The following PLXNC1 variants were observed in gnomAD, a reference collection of about 807,000 sequenced individuals.
PLXNC1 encodes the protein plexin-C1.
In PLXNC1, 75 loss-of-function variants were observed where a neutral mutation model predicts 178.2. That is an observed-to-expected ratio of 0.42 (90% confidence interval 0.35 to 0.51). The LOEUF is 0.51. Among genes scored for constraint, PLXNC1 ranks in the 20% least tolerant of loss-of-function variants. The pLI, the probability that PLXNC1 is intolerant of heterozygous loss-of-function variation, is 0.02. For synonymous variants in PLXNC1, 790 were observed against 779.9 expected (o/e 1.01, Z -0.22); for missense variants, 1,503 against 1,984.4 (o/e 0.76, Z 4.61).
intron 11 of PLXNC1, among the ~76,000 whole-genome samples, chr12:94,242,339 C>T (rs1338371743): frequency 7.6e-6 from 1 of 131,026 alleles, no homozygotes; most frequent in Non-Finnish European, 1.6e-5. Flanking sequence ...GTGACAGTCT[C>T]ACTCTGTCAC....
intron 4 of PLXNC1, among the ~76,000 whole-genome samples, chr12:94,207,538 T>C (rs1963336624): frequency 6.6e-6 from 1 of 152,216 alleles, no homozygotes; most frequent in East Asian, 1.9e-4. Context: ...AAAATATTTA[T>C]TGAAACCCTA....
chr12:94,196,019 C>G (rs1325431786), intron 4 of PLXNC1, among the ~76,000 whole-genome samples: 1 of 152,114 alleles, frequency 6.6e-6, no homozygotes, highest in African/African-American at 2.4e-5. Context: ...TTCCTCAAGC[C>G]CCCCAGGCCT....
chr12:94,280,655 G>T (rs1008398695), intron 22 of PLXNC1, among the ~76,000 whole-genome samples: 2 of 152,158 alleles, frequency 1.3e-5, no homozygotes, highest in East Asian at 3.8e-4. Context: ...TTAGATACAG[G>T]ATCAAAGGGG....
At chr12:94,166,978 T>C (rs1961638146) in intron 1 of PLXNC1, among the ~76,000 whole-genome samples, 1 of 152,144 alleles carries the variant, frequency 6.6e-6, no homozygotes. Context: ...TTGCCCAGGC[T>C]GGTCTCCAAC....
chr12:94,222,762 T>C (rs1332364001), intron 6 of PLXNC1, among the ~76,000 whole-genome samples: 5 of 152,158 alleles, frequency 3.3e-5, no homozygotes, highest in South Asian at 4.2e-4. Flanking sequence ...CGGACACTTA[T>C]AGATTCCACT....
chr12:94,306,253 T>TCA lies in PLXNC1; in HGVS notation c.*968_*969insCA, dbSNP rs1283857909. The TCA allele has an allele frequency of 5.3e-5, 8 of 152,160 alleles. No individual in the cohort carries two copies. The highest frequency in any genetic ancestry group is 9.7e-5 in the African/African-American group (4 of 41,444). 9.4% of individuals were successfully genotyped at this position (152,160 alleles called of 1,614,324 possible). On this transcript the variant is annotated 3_prime_UTR_variant, in exon 31 of 31. Coordinates refer to ENST00000258526, the MANE Select transcript of PLXNC1 (RefSeq NM_005761.3). ...AAAAAAAAAAGATACATTTTACATTTTATCGAATTGCTGTTCACACTGGAG... is the reference window on the plus strand; with the variant it reads ...AAAAAAAAAAGATACATTTTACATTTCATATCGAATTGCTGTTCACACTGGAG...
intron 30 of PLXNC1, 195 bp downstream of exon 30, chr12:94,304,246 C>G (rs1380502781): frequency 6.2e-6 from 3 of 480,306 alleles, no homozygotes; most frequent in African/African-American, 5.9e-5. Context: ...TTTTATCATG[C>G]TGCCCACATT....
chr12:94,251,667 G>A (rs1057130577), intron 15 of PLXNC1, 139 bp downstream of exon 15: 32 of 669,478 alleles, frequency 4.8e-5, no homozygotes, highest in Non-Finnish European at 8.4e-5. Context: ...TTTGAGAAAC[G>A]AATAATAGGT....
chr12:94,266,806 C>T (rs1173923601), intron 21 of PLXNC1, among the ~76,000 whole-genome samples: 1 of 152,188 alleles, frequency 6.6e-6, no homozygotes, highest in African/African-American at 2.4e-5. Flanking sequence ...TAGAACATTG[C>T]CAGGCATGTG....
chr12:94,193,894 G>A (rs1167289993), intron 4 of PLXNC1, among the ~76,000 whole-genome samples: 2 of 152,180 alleles, frequency 1.3e-5, no homozygotes, highest in Non-Finnish European at 2.9e-5. Flanking sequence ...ACATGGGCAG[G>A]ACAGCCTATG....
intron 5 of PLXNC1, among the ~76,000 whole-genome samples, chr12:94,219,803 TTTTATTTA>T (rs61371301): frequency 0.042 from 4,897 of 116,370 alleles, 227 homozygotes; most frequent in African/African-American, 0.11. Flanking sequence ...TCTTTTATAT[TTTTATTTA>T]TTTATTTATT....
chr12:94,305,414 A>G lies in PLXNC1; in HGVS notation c.*129A>G. On this transcript the variant is annotated 3_prime_UTR_variant, in exon 31 of 31. Coordinates refer to ENST00000258526, the MANE Select transcript of PLXNC1 (RefSeq NM_005761.3). The stretch of plus-strand genomic sequence containing the variant: ...GTTCCACTTTGGGCACTGTCTTTTT[A>G]AGAGACCAAGGCACATGCACAGCTT... The G allele has an allele frequency of 4.8e-6, 3 of 621,776 alleles. No homozygotes were observed. The South Asian group carries it at 6.0e-5, about 12-fold the overall frequency. The allele number at this position is 621,776 out of a possible 1,614,324, so 38.5% of individuals were successfully genotyped here.
intron 4 of PLXNC1, among the ~76,000 whole-genome samples, chr12:94,208,837 C>T (rs141314048): frequency 6.6e-6 from 1 of 152,326 alleles, no homozygotes; most frequent in African/African-American, 2.4e-5. Flanking sequence ...GTGACTGACA[C>T]ATCAAGCAAG....
intron 21 of PLXNC1, among the ~76,000 whole-genome samples, chr12:94,268,061 A>G (rs576873400): frequency 6.6e-6 from 1 of 152,182 alleles, no homozygotes; most frequent in Non-Finnish European, 1.5e-5. Context: ...GAGCATCCTC[A>G]CGAACCACTT....
intron 1 of PLXNC1, among the ~76,000 whole-genome samples, chr12:94,165,789 A>G (rs530648635): frequency 1.3e-5 from 2 of 152,066 alleles, no homozygotes; most frequent in South Asian, 4.1e-4. Context: ...CAATCTTAGC[A>G]TGTTGCTTTG....
At chr12:94,240,714 G>A in intron 11 of PLXNC1, 50 bp downstream of exon 11, 1 of 1,325,240 alleles carries the variant, frequency 7.5e-7, no homozygotes. Flanking sequence ...AAGGTCATAT[G>A]CCCAAAGATC....
chr12:94,216,628 T>C (rs896637693), intron 5 of PLXNC1, among the ~76,000 whole-genome samples: 3 of 152,224 alleles, frequency 2.0e-5, no homozygotes, highest in Admixed American at 2.0e-4. Context: ...ATTTCAGCCT[T>C]AGAATCCTGA....
At chr12:94,304,411 A>G (rs898676849) in intron 30 of PLXNC1, 1 of 180,058 alleles carries the variant, frequency 5.6e-6, no homozygotes, top group African/African-American at 2.3e-5. Context: ...TAAATTGCCT[A>G]GATTCTGTAT....
intron 21 of PLXNC1, among the ~76,000 whole-genome samples, chr12:94,276,379 G>C (rs1257968363): frequency 6.6e-6 from 1 of 151,968 alleles, no homozygotes; most frequent in Non-Finnish European, 1.5e-5. Flanking sequence ...CCCTCCCACT[G>C]GTGTGGGGAA....
Sources: gnomAD v4.1 joint callset for allele counts (sites outside exome capture counted in the v4.1 genomes callset) on GRCh38, gnomAD v4.1.1 for gene constraint, MANE v1.5 for transcripts, NCBI Gene and HGNC (gene_info 2026-07-23, HGNC 2026-07-21) for gene names.